The following ABCA1 variants were observed in gnomAD, a reference collection of about 807,000 sequenced individuals.
ABCA1 encodes phospholipid-transporting ATPase ABCA1.
In ABCA1, 133 loss-of-function variants were observed where a neutral mutation model predicts 262.5. That is an observed-to-expected ratio of 0.51 (90% CI 0.44 to 0.59). ABCA1 has a LOEUF of 0.59. ABCA1 is among the 20% of genes least tolerant of loss of function. ABCA1 has a pLI of 0.00. For synonymous variants in ABCA1, 1,022 were observed against 1,043.5 expected (o/e 0.98, Z 0.40); for missense variants, 2,452 against 2,777.5 (o/e 0.88, Z 2.63).
At chr9:104,822,456 T>C in intron 19 of ABCA1, 40 bp downstream of exon 19, 1 of 1,611,050 alleles carries the variant, frequency 6.2e-7, no homozygotes, top group South Asian at 1.1e-5. Context: ...TGCAGAACCC[T>C]CCTGTGGCTG....
intron 12 of ABCA1, 105 bp downstream of exon 12, chr9:104,832,469 G>C: frequency 1.6e-6 from 2 of 1,228,462 alleles, no homozygotes; most frequent in Admixed American, 1.9e-5. Context: ...TTGTAAATGA[G>C]ACTATACATT....
intron 5 of ABCA1, among the ~76,000 whole-genome samples, chr9:104,868,269 G>A (rs900635138): frequency 2.0e-5 from 3 of 152,064 alleles, no homozygotes; most frequent in African/African-American, 4.8e-5. Flanking sequence ...TGAGGCAGGA[G>A]AATTGCTTGG....
intron 1 of ABCA1, among the ~76,000 whole-genome samples, chr9:104,915,200 C>T (rs959477209): frequency 1.3e-5 from 2 of 152,186 alleles, no homozygotes; most frequent in African/African-American, 2.4e-5. Context: ...CATACAGTAT[C>T]GGCAGCCTTC....
rs116061779 is a variant in ABCA1 at position 104,803,206 on chromosome 9, C to T, written c.4592+78G>A. 9.5e-5 allele frequency: 145 copies of T among 1,519,494 alleles called. No homozygotes were observed. The African/African-American group carries it at 1.9e-3, about 20-fold the overall frequency. The allele number at this position is 1,519,494 out of a possible 1,614,324, so 94.1% of individuals were successfully genotyped here. A position where few individuals can be genotyped will look rare whatever the true frequency, so the allele number is the denominator to read the frequency against. ...AAGTGTGTGAGTGACAAACAATCCC[C>T]AAGGCTTTCTTCAATCCAAGACACC... is the stretch of plus-strand genomic sequence containing the variant. On this transcript the variant is annotated intron_variant, in intron 33 of 49. Coordinates refer to ENST00000374736, the MANE Select transcript of ABCA1 (RefSeq NM_005502.4).
Position 104,794,516 on chromosome 9 carries a change from A to AAAC in ABCA1, c.5383-7_5383-6insGTT. ...TCATTGATATTATTCAGCTTCTAAA[A>AAAC]AAAAAAAAAAAAAATGGGAGGGAAG... is the stretch of plus-strand genomic sequence containing the variant. On this transcript the variant is annotated splice_polypyrimidine_tract_variant and splice_region_variant and intron_variant, in intron 39 of 49. Coordinates refer to ENST00000374736, the MANE Select transcript of ABCA1 (RefSeq NM_005502.4). 1.3e-6 allele frequency: 2 copies of AAAC among 1,596,362 alleles called. No individual in the cohort carries two copies. The highest frequency in any genetic ancestry group is 1.7e-6 in the Non-Finnish European group (2 of 1,171,292).
At chr9:104,877,495 C>A (rs1838259813) in intron 5 of ABCA1, among the ~76,000 whole-genome samples, 1 of 152,240 alleles carries the variant, frequency 6.6e-6, no homozygotes. Context: ...AGTTTCTGGG[C>A]TGAAGCATTT....
At chr9:104,786,596 T>C (rs896593553) in intron 47 of ABCA1, among the ~76,000 whole-genome samples, 1 of 152,154 alleles carries the variant, frequency 6.6e-6, no homozygotes, top group Non-Finnish European at 1.5e-5. Flanking sequence ...AAAGGGGGAA[T>C]AGTTAAATAA....
intron 5 of ABCA1, among the ~76,000 whole-genome samples, chr9:104,875,168 A>T (rs1480335090): frequency 2.0e-5 from 3 of 152,080 alleles, no homozygotes; most frequent in Non-Finnish European, 4.4e-5. Flanking sequence ...GCCTTGAAAA[A>T]AAATAAATAA....
At chr9:104,834,981 G>A (rs1194095155) in intron 11 of ABCA1, among the ~76,000 whole-genome samples, 2 of 152,158 alleles carry the variant, frequency 1.3e-5, no homozygotes, top group Non-Finnish European at 2.9e-5. Context: ...GGGCGCGGTG[G>A]CTCATGCCTG....
rs763882683 is a variant in ABCA1, at chr9:104,837,091, G to A, written c.1200C>T (p.Asn400=). The A allele has an allele frequency of 1.9e-5, 30 of 1,612,796 alleles. No homozygotes were observed. Among genetic ancestry groups the A allele is most frequent in the African/African-American group, 2.7e-5 (2 of 74,912 alleles). Residue 400 remains asparagine, a synonymous_variant, in exon 11 of 50, where the codon AAC becomes AAT. Transcript: ENST00000374736. ...PATRQVMAEV[N]KTFQELAVFH... is the part of the protein sequence containing the mutation. Reference sequence around the variant, plus strand: ...ACACAGCCAGTTCCTGGAAGGTCTTGTTCACCTGGAGTCAGGTGGGGAGCC... The same window carrying A: ...ACACAGCCAGTTCCTGGAAGGTCTTATTCACCTGGAGTCAGGTGGGGAGCC...
At position 104,828,972 on chromosome 9, in the gene ABCA1, T is replaced by C. The variant is rs1221290023; in HGVS notation, c.2059A>G (p.Ile687Val). 1.9e-6 allele frequency: 3 copies of C among 1,614,216 alleles called. No homozygotes were observed. Among genetic ancestry groups the C allele is most frequent in the South Asian group, 1.1e-5 (1 of 91,084 alleles). ...ACAAGAAGAGGAATGAGGCTACTAA[T>C]GAACCAGCTAAACCAGAGGATGCTG... ...DNSILWFSWF[I>V]SSLIPLLVSA... Residue 687 changes from isoleucine to valine, a missense_variant, in exon 15 of 50, where the codon ATT (isoleucine) becomes GTT (valine). Transcript: ENST00000374736.
intron 5 of ABCA1, among the ~76,000 whole-genome samples, chr9:104,880,149 G>A (rs1838503130): frequency 1.3e-5 from 2 of 152,126 alleles, no homozygotes; most frequent in Non-Finnish European, 2.9e-5. Flanking sequence ...GGAGGTGAAT[G>A]AGGACAAAGC....
chr9:104,880,850 T>C (rs1457341402), intron 5 of ABCA1, among the ~76,000 whole-genome samples: 1 of 151,984 alleles, frequency 6.6e-6, no homozygotes, highest in African/African-American at 2.4e-5. Flanking sequence ...TTAACTCATG[T>C]CTCCAGCTTC....
In ABCA1 at chr9:104,816,087, T is replaced by C; in HGVS notation, c.3738+56A>G. On this transcript the variant is annotated intron_variant, in intron 25 of 49. Coordinates refer to ENST00000374736, the MANE Select transcript of ABCA1 (RefSeq NM_005502.4). ...CTGCTCCCAATGCAGGCTACTGGTC[T>C]GGCCTTAGGACATTTGGCCTTGCTA... is the stretch of plus-strand genomic sequence containing the variant. 3.2e-6 allele frequency: 5 copies of C among 1,582,660 alleles called. No individual in the cohort carries two copies. In the South Asian group the frequency reaches 5.5e-5, roughly 18 times the overall value.
chr9:104,910,202 G>A (rs1841411024), intron 1 of ABCA1, among the ~76,000 whole-genome samples: 1 of 152,102 alleles, frequency 6.6e-6, no homozygotes, highest in African/African-American at 2.4e-5. Context: ...GGCCCCTCTG[G>A]GTGGAAGAGG....
chr9:104,824,461 T>C lies in ABCA1; in HGVS notation c.2656+4A>G. On this transcript the variant is annotated splice_donor_region_variant and intron_variant, in intron 18 of 49. Coordinates refer to ENST00000374736, the MANE Select transcript of ABCA1 (RefSeq NM_005502.4). ...AGAAAGAGCAGGAGGTCAACAGCAC[T>C]TACTTTCTGATATTCTCTTCTGGTT... 1 of 1,614,134 alleles carries C rather than the reference T, an allele frequency of 6.2e-7. No homozygotes were observed.
intron 6 of ABCA1, among the ~76,000 whole-genome samples, chr9:104,858,980 T>C (rs1836094658): frequency 6.6e-6 from 1 of 152,180 alleles, no homozygotes; most frequent in Non-Finnish European, 1.5e-5. Context: ...GTCCAACTCG[T>C]TTTCTTAAGA....
intron 3 of ABCA1, among the ~76,000 whole-genome samples, chr9:104,886,563 G>A (rs895316303): frequency 6.6e-6 from 1 of 152,184 alleles, no homozygotes; most frequent in African/African-American, 2.4e-5. Flanking sequence ...ATACTCAAAG[G>A]ACCAAAAGAT....
chr9:104,793,106 T>C lies in ABCA1; in HGVS notation c.5636+65A>G, dbSNP rs796601641. 7.5e-6 allele frequency: 12 copies of C among 1,607,746 alleles called. No homozygotes were observed. In the African/African-American group the frequency reaches 1.2e-4, roughly 16 times the overall value. ...TCAATGCAACCCCCATTGGTGAGTG[T>C]TTCCCTGTGCGCCTCCTCTGTGACC... is the stretch of plus-strand genomic sequence containing the variant. On this transcript the variant is annotated intron_variant, in intron 41 of 49. Transcript: ENST00000374736.
Sources: allele counts gnomAD v4.1 joint callset (sites outside exome capture counted in the v4.1 genomes callset), GRCh38; gene constraint gnomAD v4.1.1; transcripts MANE v1.5; gene names NCBI Gene and HGNC (gene_info 2026-07-23, HGNC 2026-07-21).